Variants in NOX4 observed in about 807,000 individuals in gnomAD.
NOX4 encodes the protein kidney oxidase-1.
Under a neutral mutation model 87.6 loss-of-function variants are expected in NOX4, and 69 were observed. That is an observed-to-expected ratio of 0.79 (90% CI 0.65 to 0.96). The LOEUF is 0.96. Among genes scored for constraint, NOX4 ranks in the 40% least tolerant of loss-of-function variants. The pLI is 0.00. For missense variants in NOX4, 680 were observed against 681.5 expected, an observed-to-expected ratio of 1.00 and a Z score of 0.02; for synonymous variants, 275 against 238.2, an observed-to-expected ratio of 1.15 and a Z score of -1.42.
chr11:89,336,778 G>A (rs1233612361), intron 16 of NOX4, among the ~76,000 whole-genome samples: 1 of 151,886 alleles, frequency 6.6e-6, no homozygotes, highest in Admixed American at 6.6e-5. Context: ...AAATACGACT[G>A]GAAAACTTAG....
chr11:89,495,457 C>T (rs970949389), upstream of NOX4, among the ~76,000 whole-genome samples: 5 of 152,106 alleles, frequency 3.3e-5, no homozygotes, highest in African/African-American at 9.7e-5. Flanking sequence ...CTTACCAGGA[C>T]ACTTTTGATT....
At chr11:89,558,059 T>A in the NOX4 span, among the ~76,000 whole-genome samples, 3 of 152,150 alleles carry the variant, frequency 2.0e-5, no homozygotes, top group Non-Finnish European at 4.4e-5. Context: ...CCAGAATGAT[T>A]GTACAGATCT....
the NOX4 span, among the ~76,000 whole-genome samples, chr11:89,579,310 G>A: frequency 6.6e-6 from 1 of 152,092 alleles, no homozygotes; most frequent in Admixed American, 6.6e-5. Flanking sequence ...TGGGCTTTGG[G>A]TGATAATGGT....
intron 9 of NOX4, among the ~76,000 whole-genome samples, chr11:89,401,737 T>C (rs1490770911): frequency 1.3e-5 from 2 of 152,102 alleles, no homozygotes; most frequent in African/African-American, 4.8e-5. Flanking sequence ...TTTGGAGATT[T>C]TGATCAAGGT....
chr11:89,531,690 A>T, the NOX4 span, among the ~76,000 whole-genome samples: 2 of 152,218 alleles, frequency 1.3e-5, no homozygotes, highest in Non-Finnish European at 2.9e-5. Flanking sequence ...CTCTACTGTC[A>T]TCAAGCAAGA....
the NOX4 span, among the ~76,000 whole-genome samples, chr11:89,556,524 G>C: frequency 6.6e-6 from 1 of 151,324 alleles, no homozygotes; most frequent in Non-Finnish European, 1.5e-5. Context: ...CTCCATCAAG[G>C]GGAAGGGAGG....
chr11:89,526,231 C>T, the NOX4 span, among the ~76,000 whole-genome samples: 735 of 152,248 alleles, frequency 4.8e-3, 8 homozygotes, highest in Middle Eastern at 0.024. Context: ...TAAAAACATA[C>T]TGCATTTAAA....
the NOX4 span, chr11:89,545,347 ACTTTTCTGGTTTTTAATTTAGAAAC>A: frequency 1.3e-5 from 2 of 152,146 alleles, no homozygotes; most frequent in African/African-American, 4.8e-5. Context: ...AGTAAAAATG[ACTTTTCTGGTTTTTAATTTAGAAAC>A]CTTTTTCTCG....
the NOX4 span, among the ~76,000 whole-genome samples, chr11:89,527,085 T>C: frequency 6.6e-6 from 1 of 152,190 alleles, no homozygotes; most frequent in Non-Finnish European, 1.5e-5. Flanking sequence ...ACTCTTACTA[T>C]GCTTTAACAA....
intron 11 of NOX4, among the ~76,000 whole-genome samples, chr11:89,385,894 C>G (rs1412090037): frequency 6.6e-6 from 1 of 152,100 alleles, no homozygotes; most frequent in African/African-American, 2.4e-5. Context: ...AGACATAATT[C>G]CTTGGTTTGG....
At chr11:89,541,523 C>T in the NOX4 span, among the ~76,000 whole-genome samples, 19 of 152,160 alleles carry the variant, frequency 1.2e-4, no homozygotes, top group African/African-American at 4.6e-4. Flanking sequence ...ACTTTTAAAC[C>T]ATATACTGAT....
the NOX4 span, among the ~76,000 whole-genome samples, chr11:89,512,520 C>T: frequency 6.6e-6 from 1 of 152,046 alleles, no homozygotes; most frequent in African/African-American, 2.4e-5. Flanking sequence ...TAGAATCATG[C>T]TGTATTCATC....
intron 2 of NOX4, among the ~76,000 whole-genome samples, chr11:89,490,104 A>G (rs1489541437): frequency 6.6e-6 from 1 of 152,198 alleles, no homozygotes. Flanking sequence ...AAAAGCACTG[A>G]TAAGTATATA....
the NOX4 span, among the ~76,000 whole-genome samples, chr11:89,542,707 C>T: frequency 6.6e-6 from 1 of 152,174 alleles, no homozygotes; most frequent in Non-Finnish European, 1.5e-5. Context: ...AGGACATCAT[C>T]ACCTTGCTCC....
chr11:89,495,658 C>G (rs1345372292), upstream of NOX4, among the ~76,000 whole-genome samples: 1 of 152,116 alleles, frequency 6.6e-6, no homozygotes, highest in Non-Finnish European at 1.5e-5. Flanking sequence ...TATTAATTTT[C>G]TTTCTCTGAT....
the NOX4 span, among the ~76,000 whole-genome samples, chr11:89,556,545 G>T: frequency 6.6e-6 from 1 of 151,736 alleles, no homozygotes; most frequent in Non-Finnish European, 1.5e-5. Flanking sequence ...GGAAGGGAGG[G>T]GAGGGGAGGG....
chr11:89,472,344 T>A (rs929896266), intron 2 of NOX4, among the ~76,000 whole-genome samples: 3 of 152,104 alleles, frequency 2.0e-5, no homozygotes, highest in Non-Finnish European at 4.4e-5. Flanking sequence ...AGTTGACCTA[T>A]CTTCTCATCT....
intron 8 of NOX4, among the ~76,000 whole-genome samples, chr11:89,420,851 T>G (rs1364293712): frequency 6.6e-6 from 1 of 152,174 alleles, no homozygotes; most frequent in Non-Finnish European, 1.5e-5. Context: ...CAGAAAGGAC[T>G]GTGATTGAAC....
chr11:89,444,466 A>AACACACACACACACACAC (rs59319897), intron 4 of NOX4, among the ~76,000 whole-genome samples: 5 of 147,134 alleles, frequency 3.4e-5, no homozygotes, highest in African/African-American at 1.3e-4. Flanking sequence ...GGATAAGAGA[A>AACACACACACACACACAC]ACACACACAC....
Sources: gnomAD v4.1 joint callset for allele counts (sites outside exome capture counted in the v4.1 genomes callset) on GRCh38, gnomAD v4.1.1 for gene constraint, MANE v1.5 for transcripts, NCBI Gene and HGNC (gene_info 2026-07-23, HGNC 2026-07-21) for gene names.